The following LRFN5 variants were observed in gnomAD, a reference collection of about 807,000 sequenced individuals.
LRFN5 encodes the protein leucine-rich repeat and fibronectin type-III domain-containing protein 5.
A neutral mutation model predicts 45.6 loss-of-function variants in LRFN5; 24 were observed. The ratio of observed to expected loss-of-function variants is 0.53; its 90% CI spans 0.38 to 0.74. The LOEUF is 0.74. Ranked by LOEUF, LRFN5 falls within the 30% of genes least tolerant of loss-of-function variation. The probability of loss-of-function intolerance (pLI) is 0.00; values close to 1 mark genes in which losing one functional copy is unlikely to be tolerated. For missense variants in LRFN5, 776 were observed against 861.5 expected (o/e 0.90, Z 1.24); for synonymous variants, 340 against 313.8 (o/e 1.08, Z -0.88).
At chr14:41,771,067 T>A (rs1886068298) in intron 2 of LRFN5, among the ~76,000 whole-genome samples, 1 of 151,868 alleles carries the variant, frequency 6.6e-6, no homozygotes, top group Admixed American at 6.5e-5. Flanking sequence ...TGGTTTGAGC[T>A]GTACTTGGGC....
chr14:41,683,374 G>T (rs1038393185), intron 1 of LRFN5, among the ~76,000 whole-genome samples: 2 of 152,124 alleles, frequency 1.3e-5, no homozygotes, highest in Admixed American at 6.5e-5. Context: ...ACTGAGTGGG[G>T]GAAACTGTAA....
intron 1 of LRFN5, among the ~76,000 whole-genome samples, chr14:41,656,846 G>C (rs1880403557): frequency 6.6e-6 from 1 of 151,822 alleles, no homozygotes. Flanking sequence ...TGAGACTGAA[G>C]GTGGGAACAA....
chr14:41,801,412 A>T (rs8018587), intron 2 of LRFN5, among the ~76,000 whole-genome samples: 14,708 of 152,192 alleles, frequency 0.097, 1,276 homozygotes, highest in East Asian at 0.48. Context: ...ATTCGAGAGT[A>T]ATGTAGAACT....
At chr14:41,824,356 G>A (rs753316312) in intron 2 of LRFN5, among the ~76,000 whole-genome samples, 2 of 152,164 alleles carry the variant, frequency 1.3e-5, no homozygotes, top group Non-Finnish European at 2.9e-5. Context: ...AGGGTGTGTA[G>A]GTTGTATATT....
intron 1 of LRFN5, among the ~76,000 whole-genome samples, chr14:41,668,390 C>A (rs1013764161): frequency 6.6e-6 from 1 of 152,076 alleles, no homozygotes; most frequent in Non-Finnish European, 1.5e-5. Flanking sequence ...TTTCAATACT[C>A]AATTTTTATC....
intron 1 of LRFN5, among the ~76,000 whole-genome samples, chr14:41,622,091 T>G (rs1888154787): frequency 6.6e-6 from 1 of 151,688 alleles, no homozygotes; most frequent in Admixed American, 6.6e-5. Context: ...ATTTAACACT[T>G]CCTTCTTCTT....
intron 1 of LRFN5, among the ~76,000 whole-genome samples, chr14:41,624,295 A>G (rs1043319578): frequency 1.4e-4 from 21 of 152,070 alleles, no homozygotes; most frequent in African/African-American, 5.1e-4. Context: ...TTTTCCTACA[A>G]TTAATCCTTT....
chr14:41,663,859 AT>A (rs1880771168), intron 1 of LRFN5, among the ~76,000 whole-genome samples: 1 of 152,098 alleles, frequency 6.6e-6, no homozygotes, highest in African/African-American at 2.4e-5. Context: ...TCATATAAAA[AT>A]GAAATAAATA....
intron 1 of LRFN5, among the ~76,000 whole-genome samples, chr14:41,620,960 T>C (rs1167116026): frequency 8.1e-6 from 1 of 124,202 alleles, no homozygotes; most frequent in Non-Finnish European, 1.7e-5. Context: ...AATACATGAA[T>C]TGATACATAC....
chr14:41,822,853 G>T lies in LRFN5; in HGVS notation c.-21+55824G>T, dbSNP rs200852465. Among the ~76,000 whole-genome samples the T allele has an allele frequency of 2.3e-3, 320 of 136,196 alleles. 3 individuals are homozygous for T. The highest frequency in any genetic ancestry group is 6.1e-3 in the Admixed American group (83 of 13,652). 89.3% of individuals were successfully genotyped at this position (136,196 alleles called of 152,430 possible). A position where few individuals can be genotyped will look rare whatever the true frequency, so the allele number is the denominator to read the frequency against. ...ATTGGTTGCATATATATTTAGGGTTGTTTTTTTTTTTTTTTGCTGCATTGA... is the reference window on the plus strand; with the variant it reads ...ATTGGTTGCATATATATTTAGGGTTTTTTTTTTTTTTTTTTGCTGCATTGA... On this transcript the variant is annotated intron_variant, in intron 2 of 5. Transcript: ENST00000298119.
At chr14:41,640,332 G>T (rs1393013497) in intron 1 of LRFN5, among the ~76,000 whole-genome samples, 4 of 152,064 alleles carry the variant, frequency 2.6e-5, no homozygotes, top group Non-Finnish European at 5.9e-5. Flanking sequence ...GTGGGGATAA[G>T]TTATTGCTAG....
chr14:41,790,465 C>T (rs959915661), intron 2 of LRFN5, among the ~76,000 whole-genome samples: 4 of 151,556 alleles, frequency 2.6e-5, no homozygotes, highest in Non-Finnish European at 4.4e-5. Context: ...ATTTCCTTCC[C>T]GTTACTCCCA....
chr14:41,693,829 C>T (rs923036446), intron 1 of LRFN5, among the ~76,000 whole-genome samples: 2 of 151,994 alleles, frequency 1.3e-5, no homozygotes, highest in Non-Finnish European at 2.9e-5. Flanking sequence ...AGAATAAATG[C>T]TCGCTTTGTT....
chr14:41,640,599 C>G (rs942601015), intron 1 of LRFN5, among the ~76,000 whole-genome samples: 1 of 152,030 alleles, frequency 6.6e-6, no homozygotes, highest in African/African-American at 2.4e-5. Context: ...AATTAAATGT[C>G]CTCAGCATTC....
chr14:41,740,289 C>T (rs1016128841), intron 1 of LRFN5, among the ~76,000 whole-genome samples: 1 of 151,870 alleles, frequency 6.6e-6, no homozygotes, highest in African/African-American at 2.4e-5. Flanking sequence ...GAGCAAAAAT[C>T]CTCAAGAAAA....
intron 2 of LRFN5, among the ~76,000 whole-genome samples, chr14:41,803,210 C>T (rs1887398793): frequency 6.6e-6 from 1 of 152,094 alleles, no homozygotes; most frequent in South Asian, 2.1e-4. Context: ...CAGTATTTGT[C>T]ATTAAGATTC....
chr14:41,701,448 A>G (rs193011633), intron 1 of LRFN5: 1 of 152,322 alleles, frequency 6.6e-6, no homozygotes, highest in Admixed American at 6.5e-5. Flanking sequence ...CAGATGTTAC[A>G]AAAGATAATT....
At chr14:41,694,417 A>G (rs1882511411) in intron 1 of LRFN5, among the ~76,000 whole-genome samples, 1 of 152,068 alleles carries the variant, frequency 6.6e-6, no homozygotes, top group South Asian at 2.1e-4. Context: ...GATACTATAT[A>G]TAAATTCTAC....
At chr14:41,730,916 T>G (rs775302111) in intron 1 of LRFN5, among the ~76,000 whole-genome samples, 3 of 152,068 alleles carry the variant, frequency 2.0e-5, no homozygotes, top group Non-Finnish European at 2.9e-5. Flanking sequence ...GTTAATTGAA[T>G]GAAAGGTTCT....
Sources: allele counts gnomAD v4.1 joint callset (sites outside exome capture counted in the v4.1 genomes callset), GRCh38; gene constraint gnomAD v4.1.1; transcripts MANE v1.5; gene names NCBI Gene and HGNC (gene_info 2026-07-23, HGNC 2026-07-21).